Variants in DTNB observed in about 807,000 individuals in gnomAD.
The protein encoded by DTNB is dystrobrevin beta.
Under a neutral mutation model 90.7 loss-of-function variants are expected in DTNB, and 63 were observed. The observed-to-expected ratio is 0.69, with a 90% CI of 0.57 to 0.86. The LOEUF is 0.86. Among genes scored for constraint, DTNB ranks in the 40% least tolerant of loss-of-function variants. The pLI is 0.00. For missense variants in DTNB, 744 were observed against 807.1 expected (o/e 0.92, Z 0.95); for synonymous variants, 277 against 286.7 (o/e 0.97, Z 0.34).
chr2:25,404,578 G>C (rs2044571425), intron 16 of DTNB, among the ~76,000 whole-genome samples: 2 of 152,126 alleles, frequency 1.3e-5, no homozygotes, highest in Admixed American at 6.5e-5. Flanking sequence ...ATAAGGGCTG[G>C]GCACGGTGGG....
chr2:25,613,544 G>A (rs1469341844), intron 4 of DTNB, among the ~76,000 whole-genome samples: 1 of 151,912 alleles, frequency 6.6e-6, no homozygotes, highest in Admixed American at 6.6e-5. Flanking sequence ...TAAGGGTAAG[G>A]CCAGCATTAT....
intron 2 of DTNB, among the ~76,000 whole-genome samples, chr2:25,642,217 G>A (rs1163782289): frequency 6.6e-6 from 1 of 152,166 alleles, no homozygotes. Context: ...ATATGTGTAT[G>A]TGTGTGTGTT....
At chr2:25,433,788 G>A in intron 13 of DTNB, 122 bp downstream of exon 13, 1 of 1,096,978 alleles carries the variant, frequency 9.1e-7, no homozygotes, top group Non-Finnish European at 1.3e-6. Flanking sequence ...GCTAGCCTAG[G>A]TTCACTGAGG....
chr2:25,460,902 G>GTT lies in DTNB; in HGVS notation c.1080-5410_1080-5409dup, dbSNP rs35276903. 1.7e-3 allele frequency among the ~76,000 whole-genome samples: 252 copies of GTT among 145,506 alleles called. 2 individuals carry two copies. The highest frequency in any genetic ancestry group is 3.3e-3 in the African/African-American group (129 of 39,628). On this transcript the variant is annotated intron_variant, in intron 10 of 20. Transcript: ENST00000406818. ...GAACTGAGGCCAAGAAAGGTTTTTT[G>GTT]TTTTTTTTTTTTTGAGACGGAGTCT...
chr2:25,427,642 C>A lies in DTNB; in HGVS notation c.1458-11G>T. 1 of 1,611,464 alleles carries A rather than the reference C, an allele frequency of 6.2e-7. No homozygotes were observed. Among genetic ancestry groups the A allele is most frequent in the South Asian group, 1.1e-5 (1 of 90,992 alleles). On this transcript the variant is annotated splice_polypyrimidine_tract_variant and intron_variant, in intron 14 of 20. Coordinates refer to ENST00000406818, the MANE Select transcript of DTNB (RefSeq NM_021907.5). Reference sequence around the variant, plus strand: ...TCATCCTTCCTTTGCCTATCCAAGACGAGAAGCCTATCAGATAAAGAGACC... The same window carrying A: ...TCATCCTTCCTTTGCCTATCCAAGAAGAGAAGCCTATCAGATAAAGAGACC...
At chr2:25,447,372 G>A (rs1258814865) in intron 12 of DTNB, among the ~76,000 whole-genome samples, 1 of 152,034 alleles carries the variant, frequency 6.6e-6, no homozygotes, top group Non-Finnish European at 1.5e-5. Context: ...AAACTATAAC[G>A]TAATGTAAAT....
intron 5 of DTNB, among the ~76,000 whole-genome samples, chr2:25,600,192 C>T (rs1234351526): frequency 6.6e-6 from 1 of 152,232 alleles, no homozygotes; most frequent in Non-Finnish European, 1.5e-5. Context: ...AGGTGGCAGA[C>T]ACTGCCAGGT....
At chr2:25,570,113 A>T (rs1049405146) in intron 8 of DTNB, among the ~76,000 whole-genome samples, 6 of 151,642 alleles carry the variant, frequency 4.0e-5, no homozygotes, top group African/African-American at 1.5e-4. Context: ...AAAAAAAAAA[A>T]AGGAAATGGT....
intron 8 of DTNB, among the ~76,000 whole-genome samples, chr2:25,569,506 T>C (rs1343305427): frequency 1.3e-5 from 2 of 152,112 alleles, no homozygotes; most frequent in Non-Finnish European, 2.9e-5. Flanking sequence ...GAAATGAACA[T>C]GCCTAGATCA....
At chr2:25,534,551 C>T (rs1012454155) in intron 8 of DTNB, among the ~76,000 whole-genome samples, 10 of 152,038 alleles carry the variant, frequency 6.6e-5, no homozygotes, top group East Asian at 1.9e-4. Context: ...CCAGATGGGG[C>T]GGCCTGGCAG....
chr2:25,472,344 T>C (rs1472768072), intron 10 of DTNB, among the ~76,000 whole-genome samples: 1 of 152,028 alleles, frequency 6.6e-6, no homozygotes, highest in Non-Finnish European at 1.5e-5. Context: ...GTGAAAAGGA[T>C]GGGGAGGTCC....
intron 16 of DTNB, among the ~76,000 whole-genome samples, chr2:25,391,252 G>A (rs936322126): frequency 6.6e-6 from 1 of 152,074 alleles, no homozygotes; most frequent in Non-Finnish European, 1.5e-5. Context: ...AGAAAAACTA[G>A]ATACATTGAA....
At chr2:25,531,176 C>T (rs1427353248) in intron 9 of DTNB, among the ~76,000 whole-genome samples, 1 of 152,022 alleles carries the variant, frequency 6.6e-6, no homozygotes, top group African/African-American at 2.4e-5. Context: ...AGGAATGAAC[C>T]CAAAATCACA....
intron 8 of DTNB, among the ~76,000 whole-genome samples, chr2:25,537,250 A>G (rs914570394): frequency 5.9e-5 from 9 of 152,002 alleles, no homozygotes; most frequent in Non-Finnish European, 7.4e-5. Flanking sequence ...CAAAGAGAAC[A>G]CCTTACTTTT....
intron 16 of DTNB, among the ~76,000 whole-genome samples, chr2:25,390,897 T>C (rs2040907329): frequency 6.9e-6 from 1 of 144,700 alleles, no homozygotes; most frequent in South Asian, 2.2e-4. Flanking sequence ...GGTAATGACT[T>C]TTTTTTTTTT....
intron 16 of DTNB, among the ~76,000 whole-genome samples, chr2:25,393,114 A>C (rs2041596925): frequency 6.6e-6 from 1 of 152,250 alleles, no homozygotes; most frequent in Non-Finnish European, 1.5e-5. Flanking sequence ...ATACCACATA[A>C]ACAGAATTAA....
At chr2:25,523,093 A>G (rs1007595525) in intron 9 of DTNB, among the ~76,000 whole-genome samples, 1 of 152,224 alleles carries the variant, frequency 6.6e-6, no homozygotes, top group Admixed American at 6.5e-5. Flanking sequence ...TGGTGAGCCT[A>G]TCAGAAAAGT....
rs1370709180 is a variant in DTNB, at chr2:25,580,756, A to C, written c.674T>G (p.Leu225Arg). 1.9e-6 allele frequency: 3 copies of C among 1,613,534 alleles called. No individual in the cohort carries two copies. ...ATGGGCAAGCCTGTGCATGAGAGGT[A>C]GCCAGACAAGGCACTGGGGAGGAGG... is the stretch of plus-strand genomic sequence containing the variant. Reference protein sequence around the residue: ...ADPPPQCLVWLPLMHRLAHVE... With the variant: ...ADPPPQCLVWRPLMHRLAHVE... Residue 225 changes from leucine to arginine, a missense_variant, in exon 7 of 21, where the codon CTA becomes CGA. Coordinates refer to ENST00000406818, the MANE Select transcript of DTNB (RefSeq NM_021907.5).
chr2:25,482,694 G>A, intron 10 of DTNB, 102 bp downstream of exon 10: 1 of 1,142,080 alleles, frequency 8.8e-7, no homozygotes, highest in East Asian at 2.4e-5. Context: ...AGTCCTTTCT[G>A]CCCTGTGGAA....
Sources: allele counts gnomAD v4.1 joint callset (sites outside exome capture counted in the v4.1 genomes callset), GRCh38; gene constraint gnomAD v4.1.1; transcripts MANE v1.5; gene names NCBI Gene and HGNC (gene_info 2026-07-23, HGNC 2026-07-21).